The following SRGAP2B variants were observed in gnomAD, a reference collection of about 807,000 sequenced individuals.
SRGAP2B encodes SLIT-ROBO Rho GTPase activating protein 2B, also known as SLIT-ROBO Rho GTPase-activating protein 2B.
A neutral mutation model predicts 22.2 loss-of-function variants in SRGAP2B; 9 were observed. The ratio of observed to expected loss-of-function variants is 0.41; its 90% CI spans 0.24 to 0.71. The LOEUF (loss-of-function observed/expected upper bound fraction) is 0.71, where lower values mean the gene tolerates loss of function less well. Ranked by LOEUF, SRGAP2B falls within the 30% of genes least tolerant of loss-of-function variation. The probability of loss-of-function intolerance (pLI) is 0.35; values close to 1 mark genes in which losing one functional copy is unlikely to be tolerated. For missense variants in SRGAP2B, 114 were observed against 235.8 expected, an observed-to-expected ratio of 0.48 and a Z score of 3.38; for synonymous variants, 36 against 87.4, an observed-to-expected ratio of 0.41 and a Z score of 3.28.
At chr1:145,023,123 C>T (rs1198944293) in intron 2 of SRGAP2B, among the ~76,000 whole-genome samples, 12 of 146,336 alleles carry the variant, frequency 8.2e-5, no homozygotes, top group South Asian at 2.1e-4. Context: ...GCAGAGATCG[C>T]GCCACTGCAC....
chr1:144,925,772 AAAG>A (rs1664670497), intron 4 of SRGAP2B, among the ~76,000 whole-genome samples: 1 of 144,362 alleles, frequency 6.9e-6, no homozygotes, highest in Non-Finnish European at 1.5e-5. Flanking sequence ...AGAAAGAAAG[AAAG>A]AAAGAAAGAA....
chr1:144,944,050 C>G (rs1467458354), intron 4 of SRGAP2B, among the ~76,000 whole-genome samples: 1 of 149,492 alleles, frequency 6.7e-6, no homozygotes, highest in Non-Finnish European at 1.5e-5. Flanking sequence ...AGGGCAAAAC[C>G]AAAATATACC....
At chr1:145,007,802 C>CTTTTTTTTTT (rs880001624) in intron 2 of SRGAP2B, among the ~76,000 whole-genome samples, 3 of 101,186 alleles carry the variant, frequency 3.0e-5, no homozygotes, top group African/African-American at 4.4e-5. Flanking sequence ...ATTTCTTCTT[C>CTTTTTTTTTT]TTTTTTTTTT....
exon 3 of SRGAP2B, chr1:144,995,009 T>G: frequency 4.6e-6 from 7 of 1,523,824 alleles, no homozygotes; most frequent in Non-Finnish European, 6.2e-6. Flanking sequence ...AGCCCCTACT[T>G]GAATTGCTGG....
chr1:144,888,712 T>C (rs1271442455), exon 10 of SRGAP2B: 1 of 42,158 alleles, frequency 2.4e-5, no homozygotes, highest in African/African-American at 1.3e-4. Context: ...CTTATGACAT[T>C]TGTCAGCATG....
intron 2 of SRGAP2B, among the ~76,000 whole-genome samples, chr1:145,057,030 A>T (rs1650470565): frequency 6.8e-6 from 1 of 146,892 alleles, no homozygotes; most frequent in East Asian, 2.1e-4. Flanking sequence ...ATAATAATAA[A>T]AAAGTCATTT....
chr1:145,012,810 TGTG>T (rs1403598994), intron 2 of SRGAP2B, among the ~76,000 whole-genome samples: 2 of 142,330 alleles, frequency 1.4e-5, no homozygotes, highest in African/African-American at 5.7e-5. Context: ...ATGGGCCAGG[TGTG>T]GTGGCTCACA....
intron 4 of SRGAP2B, among the ~76,000 whole-genome samples, chr1:144,924,708 G>A (rs1411444885): frequency 3.4e-5 from 5 of 146,996 alleles, no homozygotes; most frequent in Non-Finnish European, 5.9e-5. Context: ...CTCCAGCCTC[G>A]GTGACAGAGC....
intron 2 of SRGAP2B, among the ~76,000 whole-genome samples, chr1:145,001,578 C>T (rs1428280672): frequency 6.7e-6 from 1 of 149,682 alleles, no homozygotes; most frequent in Admixed American, 6.6e-5. Flanking sequence ...TATAACACAT[C>T]CTCAGTGACT....
chr1:145,008,871 C>CA (rs782194327), intron 2 of SRGAP2B, among the ~76,000 whole-genome samples: 2,144 of 134,374 alleles, frequency 0.016, 39 homozygotes, highest in Middle Eastern at 0.064. Context: ...AACAAAACAC[C>CA]AAAAAAAAAA....
chr1:144,966,506 A>G (rs1304122686), intron 3 of SRGAP2B, among the ~76,000 whole-genome samples: 5 of 147,360 alleles, frequency 3.4e-5, no homozygotes, highest in Admixed American at 6.6e-5. Context: ...AAACGTGGAA[A>G]GGAACAACCA....
chr1:144,984,375 A>AAAAAAC (rs1669564818), intron 3 of SRGAP2B, among the ~76,000 whole-genome samples: 1 of 149,108 alleles, frequency 6.7e-6, no homozygotes, highest in Non-Finnish European at 1.5e-5. Flanking sequence ...CAAAAAAAAA[A>AAAAAAC]AAACAAAAAA....
At chr1:145,022,814 T>C (rs1201924636) in intron 2 of SRGAP2B, among the ~76,000 whole-genome samples, 6 of 147,834 alleles carry the variant, frequency 4.1e-5, no homozygotes, top group Non-Finnish European at 5.9e-5. Context: ...GTAGGGATAT[T>C]GGGGATGGAC....
Position 144,971,562 on chromosome 1 carries a change from C to G in SRGAP2B, c.261-15961G>C. ...CTCCCGCCTCAGCCTCCCAAAGTGC[C>G]AGGCTCACAATTATGAGCCACCTCA... On this transcript the variant is annotated intron_variant, in intron 3 of 9. Coordinates refer to ENST00000612199, the Ensembl canonical transcript of SRGAP2B. Among the ~76,000 whole-genome samples, 4 of 151,034 alleles carry G rather than the reference C, an allele frequency of 2.6e-5. No homozygotes were observed. The Middle Eastern group carries it at 0.01, about 388-fold the overall frequency.
At chr1:145,067,294 A>C in intron 2 of SRGAP2B, among the ~76,000 whole-genome samples, 1 of 149,698 alleles carries the variant, frequency 6.7e-6, no homozygotes, top group East Asian at 1.9e-4. Flanking sequence ...GTCTAAAAAA[A>C]AAAAAAAAAA....
intron 3 of SRGAP2B, among the ~76,000 whole-genome samples, chr1:144,957,955 G>A (rs1440538450): frequency 6.7e-6 from 1 of 149,734 alleles, no homozygotes; most frequent in African/African-American, 2.5e-5. Flanking sequence ...ATCTATACTG[G>A]TTCTTTCCCT....
chr1:144,904,162 AC>A (rs1662815583), intron 7 of SRGAP2B, among the ~76,000 whole-genome samples: 1 of 149,566 alleles, frequency 6.7e-6, no homozygotes. Context: ...TCCTGACAGG[AC>A]CCTAATTTGC....
chr1:144,934,403 C>CAAA (rs782588401), intron 4 of SRGAP2B, among the ~76,000 whole-genome samples: 439 of 40,512 alleles, frequency 0.011, 18 homozygotes, highest in African/African-American at 0.043. Context: ...AACTCCATCT[C>CAAA]AAAAAAAAAA....
intron 2 of SRGAP2B, among the ~76,000 whole-genome samples, chr1:145,009,394 C>T (rs1206639054): frequency 6.7e-6 from 1 of 148,444 alleles, no homozygotes; most frequent in Non-Finnish European, 1.5e-5. Context: ...CGAGACCATC[C>T]CGGCTAAAAC....
Sources: allele counts gnomAD v4.1 joint callset (sites outside exome capture counted in the v4.1 genomes callset), GRCh38; gene constraint gnomAD v4.1.1; transcripts MANE v1.5; gene names NCBI Gene and HGNC (gene_info 2026-07-23, HGNC 2026-07-21).